TNRC6C: variants seen among roughly 807,000 people sequenced by gnomAD.
TNRC6C encodes trinucleotide repeat-containing gene 6C protein.
A neutral mutation model predicts 153.7 loss-of-function variants in TNRC6C; 20 were observed. The ratio of observed to expected loss-of-function variants is 0.13; its 90% CI spans 0.09 to 0.19. The LOEUF is 0.19. TNRC6C is among the 10% of genes least tolerant of loss of function. The pLI, the probability that TNRC6C is intolerant of heterozygous loss-of-function variation, is 1.00. For missense variants in TNRC6C, 1,987 were observed against 2,172.0 expected (o/e 0.91, Z 1.69); for synonymous variants, 811 against 841.4 (o/e 0.96, Z 0.63).
chr17:78,108,492 CTG>C (rs77675894), exon 20 of TNRC6C: 16,102 of 154,896 alleles, frequency 0.1, 968 homozygotes, highest in African/African-American at 0.15. Context: ...CAGGGGCAAA[CTG>C]TACCCGTGCC....
chr17:78,078,818 CG>C (rs1567955374), intron 9 of TNRC6C, among the ~76,000 whole-genome samples: 2 of 151,876 alleles, frequency 1.3e-5, no homozygotes, highest in African/African-American at 4.8e-5. Context: ...CACAAAAATT[CG>C]GGGTGGCTCA....
chr17:78,030,958 G>C (rs898223361), intron 1 of TNRC6C, among the ~76,000 whole-genome samples: 4 of 152,084 alleles, frequency 2.6e-5, no homozygotes, highest in Admixed American at 1.3e-4. Flanking sequence ...AAGTATCTGG[G>C]CTTGGTGGCC....
chr17:78,026,701 A>G (rs536902492), intron 1 of TNRC6C, among the ~76,000 whole-genome samples: 1 of 152,328 alleles, frequency 6.6e-6, no homozygotes, highest in East Asian at 1.9e-4. Context: ...TGAGAGCGTT[A>G]CAAGACCTCA....
At chr17:78,016,969 G>GGCAGA (rs2071740489) in intron 1 of TNRC6C, among the ~76,000 whole-genome samples, 1 of 152,146 alleles carries the variant, frequency 6.6e-6, no homozygotes, top group Non-Finnish European at 1.5e-5. Flanking sequence ...GCAAAGAAGT[G>GGCAGA]GCAGAGCTGA....
chr17:78,075,632 T>A lies in TNRC6C; in HGVS notation c.3060+354T>A, dbSNP rs548957708. 1.3e-5 allele frequency among the ~76,000 whole-genome samples: 2 copies of A among 152,290 alleles called. No homozygotes were observed. Among genetic ancestry groups the A allele is most frequent in the South Asian group, 4.1e-4 (2 of 4,824 alleles). On this transcript the variant is annotated intron_variant, in intron 8 of 19. Coordinates refer to ENST00000301624, the Ensembl canonical transcript of TNRC6C. The surrounding 1 kb of genome is among the most constrained non-coding windows in gnomAD (Gnocchi z 4.2). ...TTCCCTTTGGAAATTACGTGTTAGA[T>A]GTTTATCCTCAGGAAAAGGGATTGG...
At chr17:78,103,968 T>C (rs2073643169) in intron 19 of TNRC6C, among the ~76,000 whole-genome samples, 1 of 152,132 alleles carries the variant, frequency 6.6e-6, no homozygotes, top group Non-Finnish European at 1.5e-5. Context: ...AACAAAGGAA[T>C]TGGGGAAAGG....
At chr17:78,089,239 AT>A (rs2073353347) in intron 13 of TNRC6C, among the ~76,000 whole-genome samples, 1 of 152,178 alleles carries the variant, frequency 6.6e-6, no homozygotes, top group Non-Finnish European at 1.5e-5. Flanking sequence ...AAGTGTTGGG[AT>A]TACAGGCGTG....
rs945861597 is a variant in TNRC6C at position 77,979,037 on chromosome 17, G to A, written c.-38+19769G>A. ...ACTAAGCATATAAAAAGAGGCAGGC[G>A]ATAAGGTTACCCACAGGAGATCTAG... On this transcript the variant is annotated intron_variant, in intron 1 of 22. Coordinates refer to the TNRC6C transcript ENST00000636222. Among the ~76,000 whole-genome samples the A allele has an allele frequency of 6.6e-5, 10 of 152,238 alleles. No individual in the cohort carries two copies. In the East Asian group the frequency reaches 9.6e-4, roughly 15 times the overall value.
chr17:78,094,748 G>A (rs932156201), intron 16 of TNRC6C, among the ~76,000 whole-genome samples: 1 of 152,162 alleles, frequency 6.6e-6, no homozygotes, highest in Non-Finnish European at 1.5e-5. Flanking sequence ...CTGCTTCTGT[G>A]GTTCTTTAAA....
intron 1 of TNRC6C, among the ~76,000 whole-genome samples, chr17:77,971,682 C>G (rs1451764016): frequency 6.6e-6 from 1 of 152,114 alleles, no homozygotes; most frequent in African/African-American, 2.4e-5. Flanking sequence ...TGCTTGCATT[C>G]CTTCCCACTC....
At chr17:77,958,029 C>A (rs888384976), upstream of TNRC6C, among the ~76,000 whole-genome samples, 6 of 152,144 alleles carry the variant, frequency 3.9e-5, no homozygotes, top group South Asian at 1.2e-3. Flanking sequence ...AGCGACTGAG[C>A]GCAAGGGCGG....
intron 16 of TNRC6C, 107 bp downstream of exon 18, chr17:78,093,870 A>G (rs967990909): frequency 5.0e-6 from 7 of 1,399,106 alleles, no homozygotes; most frequent in Admixed American, 4.4e-5. Context: ...TACAAGGCAC[A>G]GTTGGCGGGC....
At chr17:78,032,416 T>C (rs1239256516) in intron 2 of TNRC6C, among the ~76,000 whole-genome samples, 1 of 152,246 alleles carries the variant, frequency 6.6e-6, no homozygotes, top group African/African-American at 2.4e-5. Context: ...GCTGCCAAAA[T>C]GCAGATGTCT....
At position 78,049,914 on chromosome 17, in the gene TNRC6C, C is replaced by T. The variant is rs375537494; in HGVS notation, c.852C>T (p.Ser284=). 2.2e-5 allele frequency: 36 copies of T among 1,613,930 alleles called. No homozygotes were observed. Among genetic ancestry groups the T allele is most frequent in the Non-Finnish European group, 3.1e-5 (36 of 1,179,908 alleles). Residue 284 remains serine, a synonymous_variant, in exon 3 of 20, where the codon TCC becomes TCT. Coordinates refer to ENST00000301624, the Ensembl canonical transcript of TNRC6C. The surrounding 1 kb of genome is among the most constrained non-coding windows in gnomAD (Gnocchi z 4.1). ...CATTAAGTGCTAAACAAAATGGATC[C>T]AGCAGTGCTGTGCAAAAGGAAGGAA...
chr17:78,046,342 G>A (rs6502004), intron 2 of TNRC6C, among the ~76,000 whole-genome samples: 9,572 of 151,962 alleles, frequency 0.063, 747 homozygotes, highest in African/African-American at 0.19. Flanking sequence ...CACCACACCC[G>A]GCTAATTTTT....
At chr17:78,107,297 T>C (rs1308706465) in exon 20 of TNRC6C, 1 of 152,208 alleles carries the variant, frequency 6.6e-6, no homozygotes, top group Non-Finnish European at 1.5e-5. Flanking sequence ...ACCTTTTATT[T>C]TGAACTTAAT....
At chr17:78,016,218 C>G (rs566974355) in intron 1 of TNRC6C, among the ~76,000 whole-genome samples, 1 of 152,176 alleles carries the variant, frequency 6.6e-6, no homozygotes, top group Non-Finnish European at 1.5e-5. Context: ...GGAAGCGGCA[C>G]TAACACTGTC....
chr17:78,078,774 G>A (rs761564894), intron 9 of TNRC6C, among the ~76,000 whole-genome samples: 6 of 152,062 alleles, frequency 3.9e-5, no homozygotes, highest in Non-Finnish European at 5.9e-5. Flanking sequence ...AGACCAGCCA[G>A]GACAACATGG....
At chr17:77,978,186 C>T (rs1028458030) in intron 1 of TNRC6C, among the ~76,000 whole-genome samples, 3 of 152,072 alleles carry the variant, frequency 2.0e-5, no homozygotes, top group Non-Finnish European at 4.4e-5. Context: ...CGTGAGCCAC[C>T]GCGCCCGGCC....
Sources: allele counts gnomAD v4.1 joint callset (sites outside exome capture counted in the v4.1 genomes callset), GRCh38; gene constraint gnomAD v4.1.1; non-coding constraint Gnocchi (gnomAD v3.1); transcripts MANE v1.5; gene names NCBI Gene and HGNC (gene_info 2026-07-23, HGNC 2026-07-21).